ADAM32: variants seen among roughly 807,000 people sequenced by gnomAD.
ADAM32 encodes disintegrin and metalloproteinase domain-containing protein 32.
Under a neutral mutation model 114.9 loss-of-function variants are expected in ADAM32, and 89 were observed. The ratio of observed to expected loss-of-function variants is 0.77; its 90% CI spans 0.65 to 0.92. The LOEUF is 0.92. Ranked by LOEUF, ADAM32 falls within the 40% of genes least tolerant of loss-of-function variation. The pLI, the probability that ADAM32 is intolerant of heterozygous loss-of-function variation, is 0.00. For missense variants in ADAM32, 870 were observed against 932.8 expected, an observed-to-expected ratio of 0.93 and a Z score of 0.88; for synonymous variants, 285 against 307.5, an observed-to-expected ratio of 0.93 and a Z score of 0.77.
intron 19 of ADAM32, among the ~76,000 whole-genome samples, chr8:39,262,573 C>T (rs944667052): frequency 2.0e-5 from 3 of 151,882 alleles, no homozygotes; most frequent in Non-Finnish European, 4.4e-5. Context: ...AATCTTCTAC[C>T]TCTTATTTGA....
intron 1 of ADAM32, among the ~76,000 whole-genome samples, chr8:39,115,007 A>G (rs1039475544): frequency 6.6e-6 from 1 of 152,228 alleles, no homozygotes; most frequent in African/African-American, 2.4e-5. Flanking sequence ...TGTTTAGGAT[A>G]GTGGCCTCCA....
At chr8:39,254,589 G>A (rs1811522312) in intron 18 of ADAM32, 73 bp downstream of exon 18, 7 of 1,213,142 alleles carry the variant, frequency 5.8e-6, no homozygotes, top group African/African-American at 1.6e-5. Context: ...AACAAAGTTC[G>A]ATTTTTCCAC....
chr8:39,154,732 C>T lies in ADAM32; in HGVS notation c.525+3184C>T, dbSNP rs190191182. Among the ~76,000 whole-genome samples the T allele has an allele frequency of 1.8e-3, 269 of 152,286 alleles. 1 individual carries two copies. Among genetic ancestry groups the T allele is most frequent in the African/African-American group, 5.7e-3 (235 of 41,558 alleles). ...TCCTGACTTTTTAATGATTGCCATT[C>T]TAACTGGCATGAGATGGTATCTCAT... On this transcript the variant is annotated intron_variant, in intron 6 of 24. Transcript: ENST00000379907.
intron 16 of ADAM32, among the ~76,000 whole-genome samples, chr8:39,242,592 C>A (rs1810633943): frequency 6.6e-6 from 1 of 152,146 alleles, no homozygotes; most frequent in Admixed American, 6.5e-5. Flanking sequence ...GATTTATTCC[C>A]TATCACAGGA....
chr8:39,170,950 A>G (rs868000299), intron 10 of ADAM32, among the ~76,000 whole-genome samples: 1 of 151,928 alleles, frequency 6.6e-6, no homozygotes, highest in African/African-American at 2.4e-5. Context: ...ATATATATAT[A>G]TTTTGACAGA....
chr8:39,252,256 T>G (rs1388553206), intron 17 of ADAM32, among the ~76,000 whole-genome samples: 3 of 151,722 alleles, frequency 2.0e-5, no homozygotes, highest in East Asian at 3.8e-4. Context: ...AAGTGTATTT[T>G]CTGACCACAC....
chr8:39,281,613 A>G (rs1411065823), intron 23 of ADAM32, among the ~76,000 whole-genome samples: 1 of 152,198 alleles, frequency 6.6e-6, no homozygotes. Context: ...AGGAGACAGT[A>G]TTATAAACAC....
intron 8 of ADAM32, 74 bp from the exon 9 acceptor site, chr8:39,164,956 A>C (rs186536952): frequency 6.6e-7 from 1 of 1,513,816 alleles, no homozygotes; most frequent in Admixed American, 2.1e-5. Context: ...GGATTGTAAA[A>C]ACTTTGAATT....
At chr8:39,152,799 A>T (rs896101779) in intron 6 of ADAM32, among the ~76,000 whole-genome samples, 1 of 152,180 alleles carries the variant, frequency 6.6e-6, no homozygotes, top group African/African-American at 2.4e-5. Flanking sequence ...CTGGGCATAT[A>T]AACAAAGACA....
intron 19 of ADAM32, 142 bp from the exon 20 acceptor site, chr8:39,270,734 C>A: frequency 2.9e-6 from 2 of 686,354 alleles, no homozygotes; most frequent in Non-Finnish European, 5.0e-6. Context: ...CATCTGTGTT[C>A]ATTGACCTTT....
intron 14 of ADAM32, among the ~76,000 whole-genome samples, chr8:39,228,584 A>G (rs1425415170): frequency 3.9e-5 from 6 of 152,208 alleles, no homozygotes; most frequent in Non-Finnish European, 7.4e-5. Flanking sequence ...AAAGAAATTC[A>G]GAGCTCAAAG....
At chr8:39,232,159 T>G in intron 15 of ADAM32, 24 bp downstream of exon 15, 1 of 1,522,140 alleles carries the variant, frequency 6.6e-7, no homozygotes, top group Non-Finnish European at 9.0e-7. Flanking sequence ...ATATAAATGA[T>G]ACTTTTCTTA....
At chr8:39,210,585 A>G (rs1808140186) in intron 11 of ADAM32, among the ~76,000 whole-genome samples, 2 of 152,354 alleles carry the variant, frequency 1.3e-5, no homozygotes, top group Admixed American at 6.5e-5. Context: ...AATCTGGCAC[A>G]TAATAGGTAC....
chr8:39,250,560 T>C (rs1285779960), intron 17 of ADAM32, among the ~76,000 whole-genome samples: 1 of 152,030 alleles, frequency 6.6e-6, no homozygotes, highest in Non-Finnish European at 1.5e-5. Context: ...TTATTTTTTA[T>C]TGGCAATAGT....
At chr8:39,113,508 A>G (rs1328183273) in intron 1 of ADAM32, among the ~76,000 whole-genome samples, 1 of 151,908 alleles carries the variant, frequency 6.6e-6, no homozygotes. Flanking sequence ...ACGGCCTGCC[A>G]CTCGTTGTGA....
rs145623998 is a variant in ADAM32 at position 39,112,142 on chromosome 8, C to T, written c.58+4309C>T. On this transcript the variant is annotated intron_variant, in intron 1 of 24. Transcript: ENST00000379907. ...AATTTTACTATATTTTTAAAGAAAA[C>T]GACTATGTTTAACAGTTTGATGGTA... 1.0e-3 allele frequency among the ~76,000 whole-genome samples: 152 copies of T among 152,140 alleles called. 1 individual carries two copies. The highest frequency in any genetic ancestry group is 3.4e-3 in the Middle Eastern group (1 of 294).
In ADAM32 at chr8:39,130,776, T is replaced by A. The variant is rs1194317630; in HGVS notation, c.139-5881T>A. 3 of 409,680 alleles carry A rather than the reference T, an allele frequency of 7.3e-6. No individual in the cohort carries two copies. The East Asian group carries it at 2.4e-4, about 33-fold the overall frequency. The allele number at this position is 409,680 out of a possible 1,614,324, so 25.4% of individuals were successfully genotyped here. Reference sequence around the variant, plus strand: ...ATGTACTTTTGTGACTTCAGTTTTATTTTCTGAGACTTTTTGTGGCCTAGA... The same window carrying A: ...ATGTACTTTTGTGACTTCAGTTTTAATTTCTGAGACTTTTTGTGGCCTAGA... On this transcript the variant is annotated intron_variant, in intron 2 of 24. Transcript: ENST00000379907.
intron 16 of ADAM32, among the ~76,000 whole-genome samples, chr8:39,240,193 A>G (rs73608605): frequency 0.14 from 21,780 of 152,236 alleles, 1,721 homozygotes; most frequent in Middle Eastern, 0.25. Context: ...ATAAGCCTCA[A>G]TAAACTTAAG....
At chr8:39,114,533 G>A (rs1191983684) in intron 1 of ADAM32, among the ~76,000 whole-genome samples, 1 of 152,170 alleles carries the variant, frequency 6.6e-6, no homozygotes, top group Non-Finnish European at 1.5e-5. Context: ...TGATCAGTTA[G>A]ATACTACCAA....
Sources: gnomAD v4.1 joint callset for allele counts (sites outside exome capture counted in the v4.1 genomes callset) on GRCh38, gnomAD v4.1.1 for gene constraint, MANE v1.5 for transcripts, NCBI Gene and HGNC (gene_info 2026-07-23, HGNC 2026-07-21) for gene names.